NCKAP1L: variants seen among roughly 807,000 people sequenced by gnomAD.
The protein encoded by NCKAP1L is NCK associated protein 1 like.
In NCKAP1L, 53 loss-of-function variants were observed where a neutral mutation model predicts 139.2. That is an observed-to-expected ratio of 0.38 (90% confidence interval 0.31 to 0.48). The LOEUF is 0.48. Among genes scored for constraint, NCKAP1L ranks in the 20% least tolerant of loss-of-function variants. The pLI, the probability that NCKAP1L is intolerant of heterozygous loss-of-function variation, is 0.98. For synonymous variants in NCKAP1L, 468 were observed against 499.7 expected, an observed-to-expected ratio of 0.94 and a Z score of 0.85; for missense variants, 1,151 against 1,381.9, an observed-to-expected ratio of 0.83 and a Z score of 2.65.
rs1456653965 is a variant in NCKAP1L at position 54,500,621 on chromosome 12, T to A, written c.302T>A (p.Phe101Tyr). ...CAGTCATTTGTGGATGTCATGGAATTTCGGGTGAGCTCTCTTGAGCCGTTT... is the reference window on the plus strand; with the variant it reads ...CAGTCATTTGTGGATGTCATGGAATATCGGGTGAGCTCTCTTGAGCCGTTT... ...YYQSFVDVME[F>Y]RDHVYELLNT... The change falls in exon 3 of 31, where the codon TTT becomes TAT. Residue 101 changes from phenylalanine (F) to tyrosine (Y), a missense_variant. Transcript: ENST00000293373. The A allele has an allele frequency of 6.2e-7, 1 of 1,605,808 alleles. No individual in the cohort carries two copies. Among genetic ancestry groups the A allele is most frequent in the Non-Finnish European group, 8.5e-7 (1 of 1,172,476 alleles).
At chr12:54,501,861 G>A (rs746288995) in intron 3 of NCKAP1L, among the ~76,000 whole-genome samples, 2 of 152,144 alleles carry the variant, frequency 1.3e-5, no homozygotes, top group Admixed American at 6.6e-5. Flanking sequence ...CACCAACGGT[G>A]CATAAGGGCT....
chr12:54,535,914 C>T (rs539489900), intron 27 of NCKAP1L, among the ~76,000 whole-genome samples: 1 of 152,330 alleles, frequency 6.6e-6, no homozygotes, highest in South Asian at 2.1e-4. Context: ...CCAGGGAGGC[C>T]TCCAGGACTC....
intron 11 of NCKAP1L, 132 bp downstream of exon 11, chr12:54,517,124 A>G: frequency 1.4e-6 from 1 of 732,550 alleles, no homozygotes; most frequent in Non-Finnish European, 2.3e-6. Flanking sequence ...GATTCCCTTG[A>G]ACATTCTTGG....
At chr12:54,523,304 A>G in intron 18 of NCKAP1L, 90 bp from the exon 19 acceptor site, 8 of 1,414,928 alleles carry the variant, frequency 5.7e-6, no homozygotes, top group Non-Finnish European at 6.7e-6. Flanking sequence ...AAAATAACAG[A>G]CAACAATGGA....
intron 30 of NCKAP1L, among the ~76,000 whole-genome samples, chr12:54,541,974 G>A (rs181025344): frequency 1.3e-5 from 2 of 151,346 alleles, no homozygotes; most frequent in East Asian, 3.9e-4. Flanking sequence ...ATTCTTCTCC[G>A]GGCATCTTGA....
intron 3 of NCKAP1L, among the ~76,000 whole-genome samples, chr12:54,506,795 AAATATATATATATAT>A (rs1212400211): frequency 2.1e-4 from 17 of 82,410 alleles, no homozygotes; most frequent in African/African-American, 8.0e-4. Flanking sequence ...TAAAAAAAAA[AAATATATATATATAT>A]ATATATATAT....
chr12:54,499,719 G>C (rs946812144), intron 2 of NCKAP1L, among the ~76,000 whole-genome samples: 1 of 152,186 alleles, frequency 6.6e-6, no homozygotes, highest in Non-Finnish European at 1.5e-5. Flanking sequence ...CAAGATTCAT[G>C]GGAAAACATT....
intron 25 of NCKAP1L, 114 bp from the exon 26 acceptor site, chr12:54,532,056 G>T: frequency 1.1e-6 from 1 of 871,502 alleles, no homozygotes; most frequent in Non-Finnish European, 1.7e-6. Flanking sequence ...TGGAAAGCTG[G>T]CTAGGTTCTT....
intron 26 of NCKAP1L, 91 bp from the exon 27 acceptor site, chr12:54,535,013 C>A: frequency 3.2e-6 from 3 of 927,934 alleles, no homozygotes; most frequent in South Asian, 1.7e-5. Flanking sequence ...AAAAATTAAA[C>A]CTGTGATCCA....
rs1957178352 is a variant in NCKAP1L at position 54,543,825 on chromosome 12, A to C, written c.*1140A>C. 6.6e-6 allele frequency: 1 copy of C among 152,264 alleles called. No homozygotes were observed. Among genetic ancestry groups the C allele is most frequent in the East Asian group, 1.9e-4 (1 of 5,202 alleles). The allele number at this position is 152,264 out of a possible 1,614,324, so 9.4% of individuals were successfully genotyped here. On this transcript the variant is annotated 3_prime_UTR_variant, in exon 31 of 31. Coordinates refer to ENST00000293373, the MANE Select transcript of NCKAP1L (RefSeq NM_005337.5). ...GCATCACTTCTGTGAATCCACTGCC[A>C]GGGAGAAGTGGAGAAACAGATCATA...
intron 26 of NCKAP1L, among the ~76,000 whole-genome samples, chr12:54,534,580 A>G (rs1957099047): frequency 6.6e-6 from 1 of 152,190 alleles, no homozygotes; most frequent in African/African-American, 2.4e-5. Context: ...GATCTAAGGG[A>G]TGGACGTAAC....
intron 27 of NCKAP1L, 119 bp downstream of exon 27, chr12:54,535,316 C>T (rs1176485481): frequency 7.0e-6 from 5 of 711,372 alleles, no homozygotes. Flanking sequence ...AGGATATAAG[C>T]TGGGAGTGAA....
chr12:54,541,662 CA>C lies in NCKAP1L; in HGVS notation c.3274-912del, dbSNP rs986015018. Reference sequence around the variant, plus strand: ...CACATTTTAAAACTTGAAAGGACTTCAGAGAGAGAAACACGTTAGAGTAGAT... The same window carrying C: ...CACATTTTAAAACTTGAAAGGACTTCGAGAGAGAAACACGTTAGAGTAGAT... On this transcript the variant is annotated intron_variant, in intron 30 of 30. Coordinates refer to ENST00000293373, the MANE Select transcript of NCKAP1L (RefSeq NM_005337.5). 3.9e-4 allele frequency among the ~76,000 whole-genome samples: 60 copies of C among 152,172 alleles called. 1 individual carries two copies. Among genetic ancestry groups the C allele is most frequent in the African/African-American group, 1.4e-3 (58 of 41,438 alleles).
chr12:54,524,564 T>C (rs1294068284), intron 20 of NCKAP1L, among the ~76,000 whole-genome samples: 1 of 152,210 alleles, frequency 6.6e-6, no homozygotes, highest in Non-Finnish European at 1.5e-5. Context: ...TGAATAAGTC[T>C]CAGCACTTCT....
chr12:54,527,646 A>C (rs1425222554), intron 21 of NCKAP1L, among the ~76,000 whole-genome samples: 1 of 152,178 alleles, frequency 6.6e-6, no homozygotes, highest in Non-Finnish European at 1.5e-5. Context: ...AAAGGAAAAA[A>C]AAAGTTTGAC....
At chr12:54,511,687 G>A (rs966044896) in intron 7 of NCKAP1L, 116 bp from the exon 8 acceptor site, 80 of 1,124,878 alleles carry the variant, frequency 7.1e-5, no homozygotes, top group Admixed American at 3.7e-4. Flanking sequence ...GATTAAAGGC[G>A]TTAGCCACCA....
At chr12:54,506,170 G>A (rs1169440666) in intron 3 of NCKAP1L, among the ~76,000 whole-genome samples, 3 of 152,138 alleles carry the variant, frequency 2.0e-5, no homozygotes, top group Admixed American at 6.5e-5. Context: ...TATGGTAAGA[G>A]TATATTTAAT....
intron 29 of NCKAP1L, among the ~76,000 whole-genome samples, chr12:54,537,846 A>C (rs982437594): frequency 1.3e-5 from 2 of 152,182 alleles, no homozygotes; most frequent in African/African-American, 4.8e-5. Flanking sequence ...ACTGTAGGTC[A>C]TATCCAATTT....
chr12:54,510,676 ATT>A (rs59196940), intron 7 of NCKAP1L, among the ~76,000 whole-genome samples: 15 of 138,824 alleles, frequency 1.1e-4, no homozygotes, highest in Admixed American at 1.4e-4. Context: ...CACCTGGGTA[ATT>A]TTTTTTTTTT....
Sources: allele counts gnomAD v4.1 joint callset (sites outside exome capture counted in the v4.1 genomes callset), GRCh38; gene constraint gnomAD v4.1.1; transcripts MANE v1.5; gene names NCBI Gene and HGNC (gene_info 2026-07-23, HGNC 2026-07-21).